Variants in ALK observed in about 807,000 individuals in gnomAD.
The protein encoded by ALK is ALK receptor tyrosine kinase, also known as ALK tyrosine kinase receptor.
Under a neutral mutation model 163.1 loss-of-function variants are expected in ALK, and 74 were observed. That is an observed-to-expected ratio of 0.45 (90% CI 0.38 to 0.55). The LOEUF (loss-of-function observed/expected upper bound fraction) is 0.55, where lower values mean the gene tolerates loss of function less well. Among genes scored for constraint, ALK ranks in the 20% least tolerant of loss-of-function variants. The probability of loss-of-function intolerance (pLI) is 0.00; values close to 1 mark genes in which losing one functional copy is unlikely to be tolerated. For synonymous variants in ALK, 960 were observed against 843.2 expected (o/e 1.14, Z -2.40); for missense variants, 2,063 against 2,105.3 (o/e 0.98, Z 0.39).
chr2:29,350,962 G>A (rs1668095539), intron 5 of ALK, among the ~76,000 whole-genome samples: 1 of 152,110 alleles, frequency 6.6e-6, no homozygotes, highest in Non-Finnish European at 1.5e-5. Context: ...ATTATTTTGT[G>A]GGAATAAGTT....
intron 2 of ALK, among the ~76,000 whole-genome samples, chr2:29,711,124 C>T (rs1679085884): frequency 6.6e-6 from 1 of 152,124 alleles, no homozygotes. Flanking sequence ...CCAGATTCTC[C>T]TCCTTCCCTT....
chr2:29,227,180 G>A lies in ALK; in HGVS notation c.2915-106C>T, dbSNP rs767759391. The A allele has an allele frequency of 1.4e-6, 2 of 1,449,148 alleles. No individual in the cohort carries two copies. Among genetic ancestry groups the A allele is most frequent in the East Asian group, 2.3e-5 (1 of 44,092 alleles). The allele number at this position is 1,449,148 out of a possible 1,614,324, so 89.8% of individuals were successfully genotyped here. On this transcript the variant is annotated intron_variant, in intron 17 of 28. Transcript: ENST00000389048. The surrounding 1 kb of genome is among the most constrained non-coding windows in gnomAD (Gnocchi z 4.4). ...CACTGTGGGTGCTCTGGTGGTCCCT[G>A]TTCCTAGGTCCCATAGCCACTGGAA...
At chr2:29,439,928 T>C (rs1558324545) in intron 4 of ALK, among the ~76,000 whole-genome samples, 1 of 152,106 alleles carries the variant, frequency 6.6e-6, no homozygotes, top group African/African-American at 2.4e-5. Flanking sequence ...CTAGCAATCA[T>C]GGAAAACTAA....
chr2:29,439,321 A>G (rs1224889590), intron 4 of ALK, among the ~76,000 whole-genome samples: 2 of 152,356 alleles, frequency 1.3e-5, no homozygotes, highest in Admixed American at 1.3e-4. Context: ...AAACGTGGGT[A>G]TAAACTCCTT....
At chr2:29,360,558 G>A (rs1041012436) in intron 5 of ALK, among the ~76,000 whole-genome samples, 4 of 152,122 alleles carry the variant, frequency 2.6e-5, no homozygotes, top group Non-Finnish European at 5.9e-5. Context: ...TTGATTTATT[G>A]GGCATCTTTC....
At chr2:29,688,677 T>C (rs567814554) in intron 3 of ALK, among the ~76,000 whole-genome samples, 5 of 152,216 alleles carry the variant, frequency 3.3e-5, no homozygotes, top group Admixed American at 6.5e-5. Context: ...GAAAGGAATA[T>C]TGTTCTGCCC....
At chr2:29,634,383 A>G (rs2148239644) in intron 3 of ALK, among the ~76,000 whole-genome samples, 1 of 152,350 alleles carries the variant, frequency 6.6e-6, no homozygotes, top group Middle Eastern at 3.4e-3. Flanking sequence ...CTTTAACAAA[A>G]TATTGCCCAA....
chr2:29,489,378 G>A (rs772864119), intron 4 of ALK, among the ~76,000 whole-genome samples: 26 of 152,100 alleles, frequency 1.7e-4, no homozygotes, highest in Non-Finnish European at 3.2e-4. Flanking sequence ...TGATCACAGT[G>A]AGCCTCGACT....
rs1261206513 is a variant in ALK, at chr2:29,889,687, TAGATAGACAGAGAGAGAGAGAGAGAG to T, written c.667+30280_667+30305del. Among the ~76,000 whole-genome samples, 10 of 40,784 alleles carry T rather than the reference TAGATAGACAGAGAGAGAGAGAGAGAG, an allele frequency of 2.5e-4. 2 individuals are homozygous for T. The highest frequency in any genetic ancestry group is 4.1e-4 in the Non-Finnish European group (6 of 14,780). 26.8% of individuals were successfully genotyped at this position (40,784 alleles called of 152,430 possible). On this transcript the variant is annotated intron_variant, in intron 1 of 28. Coordinates refer to ENST00000389048, the MANE Select transcript of ALK (RefSeq NM_004304.5). ...ATCTATCTATCTGTATCTATATAGA[TAGATAGACAGAGAGAGAGAGAGAGAG>T]AGAGAGAGAGAGAGAGAGAGAGAGA...
At chr2:29,437,012 G>A (rs746982275) in intron 4 of ALK, among the ~76,000 whole-genome samples, 19 of 152,164 alleles carry the variant, frequency 1.2e-4, no homozygotes, top group Non-Finnish European at 2.6e-4. Flanking sequence ...TTTGATTCAA[G>A]TGGTGCCCTT....
At chr2:29,491,856 T>C (rs773237326) in intron 4 of ALK, among the ~76,000 whole-genome samples, 2 of 152,200 alleles carry the variant, frequency 1.3e-5, no homozygotes, top group Admixed American at 6.5e-5. Flanking sequence ...CCAGGCCTTC[T>C]CTTCTTCTAA....
intron 8 of ALK, among the ~76,000 whole-genome samples, chr2:29,309,702 C>T (rs893020407): frequency 1.4e-5 from 2 of 142,578 alleles, no homozygotes; most frequent in East Asian, 2.1e-4. Flanking sequence ...TGTTCACTCT[C>T]ATCCTGGAAG....
At chr2:29,779,506 G>C (rs1681276927) in intron 1 of ALK, among the ~76,000 whole-genome samples, 1 of 152,220 alleles carries the variant, frequency 6.6e-6, no homozygotes, top group South Asian at 2.1e-4. Flanking sequence ...CCGAATTCAA[G>C]CCAAGGCTCT....
At chr2:29,584,788 C>T (rs559858060) in intron 3 of ALK, among the ~76,000 whole-genome samples, 16 of 152,174 alleles carry the variant, frequency 1.1e-4, no homozygotes, top group Admixed American at 2.0e-4. Flanking sequence ...GTAAGCAATG[C>T]CACATAAATG....
Position 29,207,101 on chromosome 2 carries a change from A to G in ALK, c.3938+70T>C, listed in dbSNP as rs2148151720. ...AACACACGGGCTCCCGGCTTAGAGTATAGAGTCCTTTGGCCCAGGAGCACC... is the reference window on the plus strand; with the variant it reads ...AACACACGGGCTCCCGGCTTAGAGTGTAGAGTCCTTTGGCCCAGGAGCACC... On this transcript the variant is annotated intron_variant, in intron 26 of 28. Transcript: ENST00000389048. 8 of 1,211,200 alleles carry G rather than the reference A, an allele frequency of 6.6e-6. No homozygotes were observed. In the South Asian group the frequency reaches 8.4e-5, roughly 13 times the overall value. The allele number at this position is 1,211,200 out of a possible 1,614,324, so 75.0% of individuals were successfully genotyped here.
At chr2:29,327,118 C>T (rs939155006) in intron 6 of ALK, among the ~76,000 whole-genome samples, 2 of 152,218 alleles carry the variant, frequency 1.3e-5, no homozygotes, top group African/African-American at 2.4e-5. Context: ...AAGGGCTCTG[C>T]GGTGATTACT....
chr2:29,502,249 G>T (rs961136124), intron 4 of ALK, among the ~76,000 whole-genome samples: 7 of 152,152 alleles, frequency 4.6e-5, no homozygotes, highest in African/African-American at 1.4e-4. Context: ...TCCCTTGAGG[G>T]TACAGACCAT....
chr2:29,902,852 T>G (rs1267842270), intron 1 of ALK, among the ~76,000 whole-genome samples: 1 of 152,210 alleles, frequency 6.6e-6, no homozygotes. Context: ...GACATTTAGC[T>G]CTTAAGCTCA....
intron 9 of ALK, among the ~76,000 whole-genome samples, chr2:29,277,963 T>C (rs888793943): frequency 3.9e-5 from 6 of 152,144 alleles, no homozygotes; most frequent in African/African-American, 1.4e-4. Flanking sequence ...TATTGTCCAG[T>C]GTGAAGATGA....
Sources: allele counts gnomAD v4.1 joint callset (sites outside exome capture counted in the v4.1 genomes callset), GRCh38; gene constraint gnomAD v4.1.1; non-coding constraint Gnocchi (gnomAD v3.1); transcripts MANE v1.5; gene names NCBI Gene and HGNC (gene_info 2026-07-23, HGNC 2026-07-21).